DDX6: variants seen among roughly 807,000 people sequenced by gnomAD.
DDX6 encodes probable ATP-dependent RNA helicase DDX6.
A neutral mutation model predicts 60.6 loss-of-function variants in DDX6; 7 were observed. The observed-to-expected ratio is 0.12, with a 90% CI of 0.07 to 0.22. DDX6 has a LOEUF of 0.22. DDX6 is among the 10% of genes least tolerant of loss of function. The pLI, the probability that DDX6 is intolerant of heterozygous loss-of-function variation, is 1.00. For synonymous variants in DDX6, 207 were observed against 201.0 expected (o/e 1.03, Z -0.25); for missense variants, 270 against 589.9 (o/e 0.46, Z 5.62).
intron 2 of DDX6, among the ~76,000 whole-genome samples, chr11:118,784,042 C>T (rs1485206476): frequency 1.4e-5 from 2 of 142,754 alleles, no homozygotes; most frequent in Non-Finnish European, 3.0e-5. Flanking sequence ...GAGCCATGAT[C>T]GTGCCACCAT....
chr11:118,782,730 A>T (rs781996066), intron 2 of DDX6, among the ~76,000 whole-genome samples: 2 of 147,450 alleles, frequency 1.4e-5, no homozygotes, highest in Non-Finnish European at 3.0e-5. Flanking sequence ...TGCAACCTCC[A>T]CCTCCCGGGG....
intron 13 of DDX6, among the ~76,000 whole-genome samples, chr11:118,753,627 C>T (rs781990695): frequency 1.1e-4 from 17 of 152,030 alleles, no homozygotes; most frequent in South Asian, 2.1e-4. Context: ...TGTGAGCCAC[C>T]GCACCCGGCC....
intron 2 of DDX6, among the ~76,000 whole-genome samples, chr11:118,781,580 A>C (rs1279014631): frequency 1.3e-5 from 2 of 152,012 alleles, no homozygotes; most frequent in Non-Finnish European, 2.9e-5. Flanking sequence ...TCGGCCTCCC[A>C]AAGTGATAGG....
At chr11:118,765,090 C>T in intron 6 of DDX6, 119 bp downstream of exon 6, 5 of 1,205,006 alleles carry the variant, frequency 4.1e-6, no homozygotes, top group East Asian at 2.4e-5. Context: ...TGGTCATTTC[C>T]TTTTCTTACT....
At chr11:118,754,606 T>A (rs1860900744) in intron 13 of DDX6, 99 bp downstream of exon 13, 5 of 1,049,860 alleles carry the variant, frequency 4.8e-6, no homozygotes, top group Admixed American at 5.1e-5. Flanking sequence ...TACCCTTTAT[T>A]GCTATTATAT....
intron 4 of DDX6, among the ~76,000 whole-genome samples, chr11:118,773,385 T>G (rs1157295680): frequency 6.6e-6 from 1 of 151,012 alleles, no homozygotes; most frequent in Non-Finnish European, 1.5e-5. Context: ...CTGGCTAACA[T>G]GGTGAAACCC....
At chr11:118,781,905 G>A (rs1478102431) in intron 2 of DDX6, among the ~76,000 whole-genome samples, 1 of 150,644 alleles carries the variant, frequency 6.6e-6, no homozygotes, top group African/African-American at 2.4e-5. Flanking sequence ...TCCAGCCTGA[G>A]TGACAGAGGG....
chr11:118,763,422 C>CT (rs1284217720), intron 6 of DDX6, 116 bp from the exon 7 acceptor site: 6 of 794,112 alleles, frequency 7.6e-6, no homozygotes, highest in Non-Finnish European at 1.1e-5. Flanking sequence ...AAATGCATTG[C>CT]TATGTGATGG....
At chr11:118,782,782 T>G (rs1861942750) in intron 2 of DDX6, among the ~76,000 whole-genome samples, 1 of 152,118 alleles carries the variant, frequency 6.6e-6, no homozygotes, top group Non-Finnish European at 1.5e-5. Flanking sequence ...GCAGCTGGGA[T>G]TACAGGAGCT....
intron 1 of DDX6, chr11:118,789,143 T>C (rs1862182183): frequency 6.7e-6 from 1 of 149,384 alleles, no homozygotes; most frequent in Non-Finnish European, 1.5e-5. Context: ...TGGCACAATC[T>C]TGGCTCACTG....
At chr11:118,769,697 G>A (rs1555162061) in intron 4 of DDX6, among the ~76,000 whole-genome samples, 1 of 91,114 alleles carries the variant, frequency 1.1e-5, no homozygotes, top group African/African-American at 3.9e-5. Context: ...ATTGTTAAAA[G>A]GAAATTATGT....
intron 13 of DDX6, chr11:118,754,457 G>A (rs2137410137): frequency 2.5e-6 from 1 of 395,474 alleles, no homozygotes; most frequent in Non-Finnish European, 4.5e-6. Flanking sequence ...CATTATTTTA[G>A]GACTCTGAAT....
intron 12 of DDX6, 146 bp from the exon 13 acceptor site, chr11:118,755,033 T>TCAA: frequency 1.3e-6 from 1 of 757,198 alleles, no homozygotes; most frequent in Non-Finnish European, 2.1e-6. Flanking sequence ...TTAATGGTCT[T>TCAA]CAAACACAGG....
intron 3 of DDX6, 67 bp downstream of exon 3, chr11:118,781,054 G>A (rs546564402): frequency 3.6e-5 from 39 of 1,096,884 alleles, no homozygotes; most frequent in South Asian, 2.7e-4. Flanking sequence ...TCCAGATACC[G>A]AGGGACAGCT....
At chr11:118,765,079 G>A (rs1456356722) in intron 6 of DDX6, 130 bp downstream of exon 6, 1 of 1,061,140 alleles carries the variant, frequency 9.4e-7, no homozygotes, top group South Asian at 1.7e-5. Flanking sequence ...CTTGAATGCA[G>A]TGGTCATTTC....
At chr11:118,764,835 C>CACACACACACACACAG (rs1276508733) in intron 6 of DDX6, among the ~76,000 whole-genome samples, 3,516 of 150,370 alleles carry the variant, frequency 0.023, 155 homozygotes, top group African/African-American at 0.082. Context: ...CACACACACA[C>CACACACACACACACAG]ACATTATATA....
chr11:118,771,694 T>G (rs1276180541), intron 4 of DDX6, among the ~76,000 whole-genome samples: 1 of 152,256 alleles, frequency 6.6e-6, no homozygotes, highest in African/African-American at 2.4e-5. Flanking sequence ...TTAGGTACTT[T>G]GTTTTACAAC....
intron 5 of DDX6, among the ~76,000 whole-genome samples, chr11:118,766,701 C>T (rs1223574519): frequency 6.6e-6 from 1 of 152,066 alleles, no homozygotes; most frequent in Admixed American, 6.6e-5. Flanking sequence ...TCAAGCAATT[C>T]TCCTGCCTCA....
intron 13 of DDX6, among the ~76,000 whole-genome samples, chr11:118,753,373 T>C (rs1237231340): frequency 7.5e-6 from 1 of 133,940 alleles, no homozygotes; most frequent in Non-Finnish European, 1.6e-5. Flanking sequence ...GGAGTCTAGC[T>C]TTGTCACCCA....
Sources: gnomAD v4.1 joint callset for allele counts (sites outside exome capture counted in the v4.1 genomes callset) on GRCh38, gnomAD v4.1.1 for gene constraint, MANE v1.5 for transcripts, NCBI Gene and HGNC (gene_info 2026-07-23, HGNC 2026-07-21) for gene names.